The following BLZF1 variants were observed in gnomAD, a reference collection of about 807,000 sequenced individuals.
BLZF1 encodes the protein golgin-45.
In BLZF1, 39 loss-of-function variants were observed where a neutral mutation model predicts 43.8. The ratio of observed to expected loss-of-function variants is 0.89; its 90% confidence interval spans 0.69 to 1.16. The LOEUF is 1.16. Among genes scored for constraint, BLZF1 ranks in the 50% most tolerant of loss-of-function variants. The probability of loss-of-function intolerance (pLI) is 0.00; values close to 1 mark genes in which losing one functional copy is unlikely to be tolerated. For synonymous variants in BLZF1, 136 were observed against 159.4 expected (o/e 0.85, Z 1.11); for missense variants, 449 against 469.8 (o/e 0.96, Z 0.41).
chr1:169,387,847 A>T lies in BLZF1; in HGVS notation c.*665A>T, dbSNP rs1276760015. The T allele has an allele frequency of 1.3e-5, 2 of 152,228 alleles. No homozygotes were observed. The highest frequency in any genetic ancestry group is 2.9e-5 in the Non-Finnish European group (2 of 68,032). 9.4% of individuals were successfully genotyped at this position (152,228 alleles called of 1,614,324 possible). A position where few individuals can be genotyped will look rare whatever the true frequency, so the allele number is the denominator to read the frequency against. ...ATATTTTAGAGCCAAGTTAACAAGT[A>T]CTTCAGCAAAACATGCTAGTTTTAT... is the stretch of plus-strand genomic sequence containing the variant. On this transcript the variant is annotated 3_prime_UTR_variant, in exon 7 of 7. Coordinates refer to ENST00000367808, the MANE Select transcript of BLZF1 (RefSeq NM_001320973.2).
Position 169,378,247 on chromosome 1 carries a change from C to T in BLZF1, c.469-83C>T. ...ACGGAGGTCCAAAATTACACAGAAA[C>T]ACAGTCTCTTTTTGTTAATTTTGTT... On this transcript the variant is annotated intron_variant, in intron 3 of 6. Transcript: ENST00000367808. 3 of 1,350,842 alleles carry T rather than the reference C, an allele frequency of 2.2e-6. No homozygotes were observed. In the Admixed American group the frequency reaches 5.7e-5, roughly 26 times the overall value. 83.7% of individuals were successfully genotyped at this position (1,350,842 alleles called of 1,614,324 possible).
intron 6 of BLZF1, among the ~76,000 whole-genome samples, chr1:169,385,953 A>G (rs1488269021): frequency 6.6e-6 from 1 of 152,210 alleles, no homozygotes; most frequent in Non-Finnish European, 1.5e-5. Context: ...ATTCTTTCCA[A>G]TTGCAGTGCT....
downstream of BLZF1, among the ~76,000 whole-genome samples, chr1:169,389,249 G>A (rs556285830): frequency 8.5e-5 from 13 of 152,048 alleles, no homozygotes; most frequent in Non-Finnish European, 1.6e-4. Context: ...AGCCGAGATC[G>A]CGCCATTACA....
intron 6 of BLZF1, 77 bp downstream of exon 6, chr1:169,382,358 A>G (rs3905328): frequency 0.67 from 879,559 of 1,310,020 alleles, 298,586 homozygotes; most frequent in East Asian, 0.93. Flanking sequence ...CATGGAAAGC[A>G]TTTGGCATTA....
intron 6 of BLZF1, among the ~76,000 whole-genome samples, chr1:169,385,661 C>G (rs779631967): frequency 1.2e-4 from 19 of 152,170 alleles, no homozygotes; most frequent in Non-Finnish European, 2.5e-4. Context: ...TAATACCAAA[C>G]AAACTTCCAT....
chr1:169,379,685 AAATTTT>A (rs1654465422), intron 4 of BLZF1, among the ~76,000 whole-genome samples: 1 of 152,062 alleles, frequency 6.6e-6, no homozygotes, highest in South Asian at 2.1e-4. Flanking sequence ...TCTCAGACTT[AAATTTT>A]AATTTTAAAT....
intron 2 of BLZF1, among the ~76,000 whole-genome samples, chr1:169,374,510 C>T (rs773648102): frequency 2.0e-4 from 30 of 152,076 alleles, no homozygotes; most frequent in Non-Finnish European, 4.1e-4. Context: ...ACTTAGTTTA[C>T]ATTTCATATG....
At chr1:169,396,152 C>T (rs1237645020) in exon 8 of BLZF1, 4 of 152,134 alleles carry the variant, frequency 2.6e-5, no homozygotes, top group African/African-American at 9.7e-5. Context: ...AGTATGCATA[C>T]TGGTGTTAAC....
In BLZF1 at chr1:169,382,306, A is replaced by C. The variant is rs7538157; in HGVS notation, c.1017+25A>C. 7.5e-3 allele frequency: 11,912 copies of C among 1,591,426 alleles called. 56 individuals are homozygous for C. The highest frequency in any genetic ancestry group is 8.8e-3 in the Non-Finnish European group (10,207 of 1,162,250). On this transcript the variant is annotated intron_variant, in intron 6 of 6. Transcript: ENST00000367808. ...GGTAAAATATTTTCTTTTGTGATCT[A>C]TGGAACTTCTAACACTGTCCTTTTA...
downstream of BLZF1, among the ~76,000 whole-genome samples, chr1:169,391,190 G>C (rs772271456): frequency 6.6e-6 from 1 of 152,190 alleles, no homozygotes; most frequent in East Asian, 1.9e-4. Flanking sequence ...ATTGCTTCCC[G>C]TGGCAGTGCC....
intron 3 of BLZF1, chr1:169,377,273 C>G: frequency 2.7e-6 from 1 of 367,626 alleles, no homozygotes; most frequent in Non-Finnish European, 4.8e-6. Flanking sequence ...CAAAGATTGA[C>G]CAAGTCAGGC....
chr1:169,385,254 C>T (rs938607634), intron 6 of BLZF1, among the ~76,000 whole-genome samples: 2 of 152,198 alleles, frequency 1.3e-5, no homozygotes, highest in Non-Finnish European at 2.9e-5. Context: ...TTTAACAAAA[C>T]TGACAGCCCT....
intron 2 of BLZF1, among the ~76,000 whole-genome samples, chr1:169,375,084 T>C (rs1321779007): frequency 6.6e-6 from 1 of 151,722 alleles, no homozygotes; most frequent in Non-Finnish European, 1.5e-5. Context: ...AAAAAATAAC[T>C]CAGAAGTTAA....
At chr1:169,381,159 AAAAG>A (rs1654515873) in intron 5 of BLZF1, among the ~76,000 whole-genome samples, 1 of 152,092 alleles carries the variant, frequency 6.6e-6, no homozygotes, top group South Asian at 2.1e-4. Flanking sequence ...AATCAGGAAA[AAAAG>A]AGAAGATATA....
chr1:169,372,484 A>C (rs1178047555), intron 2 of BLZF1, among the ~76,000 whole-genome samples: 4 of 152,162 alleles, frequency 2.6e-5, no homozygotes, highest in Non-Finnish European at 4.4e-5. Context: ...TTATTAGTTC[A>C]TGACACAAAG....
rs536279026 is a variant in BLZF1, at chr1:169,381,111, T to C, written c.797+502T>C. Among the ~76,000 whole-genome samples the C allele has an allele frequency of 5.3e-5, 8 of 151,742 alleles. No individual in the cohort carries two copies. The East Asian group carries it at 1.4e-3, about 26-fold the overall frequency. On this transcript the variant is annotated intron_variant, in intron 5 of 6. Transcript: ENST00000367808. ...GTCAAAGAGCAAATTATAGGGGAAA[T>C]TAGAAGAATGAAAACACAAGAAACG... is the stretch of plus-strand genomic sequence containing the variant.
In BLZF1 at chr1:169,376,965, C is replaced by T. The variant is rs867635119; in HGVS notation, c.454C>T (p.Arg152Cys). 8 of 1,612,366 alleles carry T rather than the reference C, an allele frequency of 5.0e-6. No individual in the cohort carries two copies. The highest frequency in any genetic ancestry group is 1.1e-5 in the South Asian group (1 of 90,976). The change falls in exon 3 of 7, where the codon CGT (arginine) becomes TGT (cysteine). Residue 152 changes from arginine to cysteine, a missense_variant. Physicochemically the swap from Arg to Cys is radical, Grantham distance 180 (BLOSUM62 -3). Transcript: ENST00000367808. The stretch of plus-strand genomic sequence containing the variant: ...CAAAGAAGGTCTTTCAAACCAGCTC[C>T]GTGTACAGACAGAGGTAAGAAGAGC... ...QDKEGLSNQL[R>C]VQTEVNRELK...
intron 2 of BLZF1, among the ~76,000 whole-genome samples, chr1:169,370,193 A>G (rs1654064625): frequency 6.6e-6 from 1 of 152,200 alleles, no homozygotes; most frequent in Non-Finnish European, 1.5e-5. Flanking sequence ...TACCCTTTTT[A>G]TAAAGACAGC....
intron 2 of BLZF1, among the ~76,000 whole-genome samples, chr1:169,372,441 C>T (rs987636673): frequency 6.6e-6 from 1 of 152,132 alleles, no homozygotes; most frequent in African/African-American, 2.4e-5. Flanking sequence ...CTTCAGTAAG[C>T]ATTTATTCAT....
Sources: allele counts gnomAD v4.1 joint callset (sites outside exome capture counted in the v4.1 genomes callset), GRCh38; gene constraint gnomAD v4.1.1; transcripts MANE v1.5; gene names NCBI Gene and HGNC (gene_info 2026-07-23, HGNC 2026-07-21).